Variants in ZIK1 observed in about 807,000 individuals in gnomAD.
ZIK1 encodes the protein zinc finger protein interacting with ribonucleoprotein K.
A neutral mutation model predicts 10.7 loss-of-function variants in ZIK1; 12 were observed. The ratio of observed to expected loss-of-function variants is 1.12; its 90% CI spans 0.72 to 1.81. The LOEUF (loss-of-function observed/expected upper bound fraction) is 1.81, where lower values mean the gene tolerates loss of function less well. Among genes scored for constraint, ZIK1 ranks in the 40% most tolerant of loss-of-function variants. The probability of loss-of-function intolerance (pLI) is 0.00; values close to 1 mark genes in which losing one functional copy is unlikely to be tolerated. For synonymous variants in ZIK1, 190 were observed against 205.0 expected (o/e 0.93, Z 0.63); for missense variants, 497 against 585.7 (o/e 0.85, Z 1.56).
intron 2 of ZIK1, among the ~76,000 whole-genome samples, chr19:57,586,544 C>G (rs1979174632): frequency 6.6e-6 from 1 of 152,118 alleles, no homozygotes; most frequent in African/African-American, 2.4e-5. Flanking sequence ...GCCTGGGTGA[C>G]AGAGTGAGAC....
chr19:57,589,922 G>T, intron 3 of ZIK1, 89 bp from the exon 4 acceptor site: 1 of 1,445,638 alleles, frequency 6.9e-7, no homozygotes, highest in Admixed American at 2.3e-5. Flanking sequence ...AAACAAACCT[G>T]GTGAATCATT....
chr19:57,589,891 C>T (rs1979498264), intron 3 of ZIK1, 120 bp from the exon 4 acceptor site: 2 of 1,264,904 alleles, frequency 1.6e-6, no homozygotes, highest in Non-Finnish European at 2.2e-6. Flanking sequence ...CCTCAACTTG[C>T]CCCCAGCTCC....
chr19:57,589,292 A>G (rs531756065), intron 3 of ZIK1: 1 of 985,268 alleles, frequency 1.0e-6, no homozygotes, highest in South Asian at 4.7e-5. Context: ...TTGAGTGGCA[A>G]CTGGTTGGGG....
rs1333390794 is a variant in ZIK1 at position 57,591,174 on chromosome 19, G to C, written c.1363G>C (p.Val455Leu). The C allele has an allele frequency of 6.2e-7, 1 of 1,612,448 alleles. No homozygotes were observed. Among genetic ancestry groups the C allele is most frequent in the Non-Finnish European group, 8.5e-7 (1 of 1,179,448 alleles). The change falls in exon 4 of 4, where the codon GTG (valine) becomes CTG (leucine). Residue 455 changes from valine (V) to leucine (L), a missense_variant. Val to Leu is a conservative substitution (Grantham distance 32). Coordinates refer to ENST00000597850, the MANE Select transcript of ZIK1 (RefSeq NM_001010879.4). ...SQKSGLIQHQ[V>L]VHTGERPYEC... is the part of the protein sequence containing the mutation. ...AAAGTCTGGTCTCATTCAACACCAA[G>C]TGGTTCACACTGGAGAAAGGCCTTA...
intron 1 of ZIK1, 190 bp from the exon 2 acceptor site, chr19:57,584,762 G>A: frequency 9.6e-7 from 1 of 1,037,492 alleles, no homozygotes; most frequent in Non-Finnish European, 1.3e-6. Context: ...AGAGGCACAG[G>A]GAGGTTGAGT....
In ZIK1 at chr19:57,585,008, C is replaced by T; in HGVS notation, c.72+18C>T. On this transcript the variant is annotated intron_variant, in intron 2 of 3. Transcript: ENST00000597850. ...TCACAAAGGTGAGTGGAGGGTGTCC[C>T]AGGCCCTCACTGGTCCTGGCCCCAT... 4.3e-6 allele frequency: 7 copies of T among 1,611,922 alleles called. No individual in the cohort carries two copies. The highest frequency in any genetic ancestry group is 5.9e-6 in the Non-Finnish European group (7 of 1,179,062).
Position 57,584,400 on chromosome 19 carries a change from C to T in ZIK1, c.33+11C>T. On this transcript the variant is annotated intron_variant, in intron 1 of 3. Coordinates refer to ENST00000597850, the MANE Select transcript of ZIK1 (RefSeq NM_001010879.4). ...AGGGCCCCGACTCAGGTGAGCGCTG[C>T]CTCTACTGGGCCTCACCCTCCATCC... 1.2e-6 allele frequency: 2 copies of T among 1,608,002 alleles called. No homozygotes were observed. Among genetic ancestry groups the T allele is most frequent in the Non-Finnish European group, 1.7e-6 (2 of 1,177,906 alleles).
rs768606203 is a variant in ZIK1 at position 57,590,667 on chromosome 19, C to T, written c.856C>T (p.Arg286Trp). 88 of 1,614,048 alleles carry T rather than the reference C, an allele frequency of 5.5e-5. No individual in the cohort carries two copies. Among genetic ancestry groups the T allele is most frequent in the Non-Finnish European group, 6.0e-5 (71 of 1,180,034 alleles). ...FSQTSHLNDH[R>W]RIHTGERPYE... is the part of the protein sequence containing the mutation. ...CCAAACCTCCCACCTGAATGATCAT[C>T]GGAGAATCCACACCGGAGAAAGGCC... is the stretch of plus-strand genomic sequence containing the variant. Residue 286 changes from arginine (R) to tryptophan (W), a missense_variant, in exon 4 of 4, where the codon CGG becomes TGG. Transcript: ENST00000597850.
chr19:57,588,031 A>G (rs1044844952), intron 2 of ZIK1, among the ~76,000 whole-genome samples: 6 of 152,106 alleles, frequency 3.9e-5, no homozygotes, highest in African/African-American at 7.2e-5. Context: ...CAGAGTCAGG[A>G]AGATAGCCCT....
rs1393877805 is a variant in ZIK1 at position 57,591,014 on chromosome 19, C to T, written c.1203C>T (p.His401=). 1 of 1,614,012 alleles carries T rather than the reference C, an allele frequency of 6.2e-7. No homozygotes were observed. Residue 401 remains histidine (H), a synonymous_variant, in exon 4 of 4, where the codon CAC becomes CAT. Transcript: ENST00000597850. ...CCCTCATTAAACACCAGAGAGTTCA[C>T]ACTGGAGAAAGGCCTTATAAGTGTG... ...KATLIKHQRV[H]TGERPYKCGD...
Position 57,590,355 on chromosome 19 carries a change from C to A in ZIK1, c.544C>A (p.Leu182Ile). The change falls in exon 4 of 4, where the codon CTT (leucine) becomes ATT (isoleucine). Residue 182 changes from leucine (L) to isoleucine (I), a missense_variant. Transcript: ENST00000597850. ...AAAGGACCTTCCAGCCATGTTGCGG[C>A]TTCTGAGGTCCCTGGTCTTTCCTGG... ...VGKDLPAMLR[L>I]LRSLVFPGGK... 1 of 1,614,188 alleles carries A rather than the reference C, an allele frequency of 6.2e-7. No individual in the cohort carries two copies. The highest frequency in any genetic ancestry group is 8.5e-7 in the Non-Finnish European group (1 of 1,180,022).
intron 3 of ZIK1, chr19:57,589,182 T>C: frequency 2.4e-6 from 2 of 820,848 alleles, no homozygotes; most frequent in Non-Finnish European, 2.9e-6. Flanking sequence ...TGGTAGGACT[T>C]GGCTTCATGA....
chr19:57,585,546 C>T (rs1979072144), intron 2 of ZIK1, among the ~76,000 whole-genome samples: 1 of 152,052 alleles, frequency 6.6e-6, no homozygotes, highest in Non-Finnish European at 1.5e-5. Flanking sequence ...GAAGAAGTGG[C>T]TGGATTCTGG....
rs1979827202 is a variant in ZIK1, at chr19:57,592,976, G to C, written c.*1701G>C. On this transcript the variant is annotated 3_prime_UTR_variant, in exon 4 of 4. Coordinates refer to ENST00000597850, the MANE Select transcript of ZIK1 (RefSeq NM_001010879.4). The stretch of plus-strand genomic sequence containing the variant: ...CATTTACTTTCCCTACAGGAGAATA[G>C]TTTGTGTTTTCTAGGATTTTATGTG... 6.6e-6 allele frequency: 1 copy of C among 151,746 alleles called. No homozygotes were observed. The highest frequency in any genetic ancestry group is 1.5e-5 in the Non-Finnish European group (1 of 67,950). 9.4% of individuals were successfully genotyped at this position (151,746 alleles called of 1,614,324 possible). A position where few individuals can be genotyped will look rare whatever the true frequency, so the allele number is the denominator to read the frequency against.
chr19:57,593,492 G>A lies in ZIK1; in HGVS notation c.*2217G>A, dbSNP rs1399641250. ...TGCAAATAATGCTACTATGAACATA[G>A]GCATATAACTCTTAATATGCAGAAA... On this transcript the variant is annotated 3_prime_UTR_variant, in exon 4 of 4. Coordinates refer to ENST00000597850, the MANE Select transcript of ZIK1 (RefSeq NM_001010879.4). 2 of 152,028 alleles carry A rather than the reference G, an allele frequency of 1.3e-5. No individual in the cohort carries two copies. The highest frequency in any genetic ancestry group is 4.8e-5 in the African/African-American group (2 of 41,384). The allele number at this position is 152,028 out of a possible 1,614,324, so 9.4% of individuals were successfully genotyped here.
At chr19:57,586,377 A>G (rs1979160120) in intron 2 of ZIK1, among the ~76,000 whole-genome samples, 1 of 152,084 alleles carries the variant, frequency 6.6e-6, no homozygotes, top group African/African-American at 2.4e-5. Flanking sequence ...AGCTTGGCCA[A>G]CATGGTGAAA....
chr19:57,590,501 A>G lies in ZIK1; in HGVS notation c.690A>G (p.Pro230=). The G allele has an allele frequency of 6.2e-7, 1 of 1,613,910 alleles. No homozygotes were observed. Residue 230 remains proline (P), a synonymous_variant, in exon 4 of 4, where the codon CCA becomes CCG. Transcript: ENST00000597850. ...SRHKHTPVYH[P]RVYTGKKLYE... ...ACAAACACACTCCTGTTTACCATCCAAGAGTCTACACTGGAAAAAAGCTTT... is the reference window on the plus strand; with the variant it reads ...ACAAACACACTCCTGTTTACCATCCGAGAGTCTACACTGGAAAAAAGCTTT...
chr19:57,590,111 A>T lies in ZIK1; in HGVS notation c.300A>T (p.Gln100His), dbSNP rs376159252. The change falls in exon 4 of 4, where the codon CAA (glutamine) becomes CAT (histidine). Residue 100 changes from glutamine to histidine, a missense_variant. Transcript: ENST00000597850. The stretch of plus-strand genomic sequence containing the variant: ...CAGGTTCATCCACACAGAAGACTCA[A>T]TCCTGTGAGATGTGTGTCCCAGTCC... ...SKAGSSTQKT[Q>H]SCEMCVPVLK... is the part of the protein sequence containing the mutation. 3 of 1,614,072 alleles carry T rather than the reference A, an allele frequency of 1.9e-6. No individual in the cohort carries two copies. The Admixed American group carries it at 5.0e-5, about 27-fold the overall frequency.
At chr19:57,588,458 T>G in intron 2 of ZIK1, 81 bp from the exon 3 acceptor site, 1 of 1,340,238 alleles carries the variant, frequency 7.5e-7, no homozygotes, top group Non-Finnish European at 9.7e-7. Flanking sequence ...GGCCTGTATT[T>G]CCTTAAGGTG....
Sources: gnomAD v4.1 joint callset for allele counts (sites outside exome capture counted in the v4.1 genomes callset) on GRCh38, gnomAD v4.1.1 for gene constraint, MANE v1.5 for transcripts, NCBI Gene and HGNC (gene_info 2026-07-23, HGNC 2026-07-21) for gene names.